WDR72: variants seen among roughly 807,000 people sequenced by gnomAD.
WDR72 encodes the protein WD repeat-containing protein 72.
WDR72 carries 120 observed loss-of-function variants against 124.2 expected under a neutral mutation model. That is an observed-to-expected ratio of 0.97 (90% CI 0.83 to 1.12). The LOEUF is 1.12. Among genes scored for constraint, WDR72 ranks in the 50% most tolerant of loss-of-function variants. The probability of loss-of-function intolerance (pLI) is 0.00; values close to 1 mark genes in which losing one functional copy is unlikely to be tolerated. For synonymous variants in WDR72, 452 were observed against 441.7 expected, an observed-to-expected ratio of 1.02 and a Z score of -0.29; for missense variants, 1,387 against 1,278.8, an observed-to-expected ratio of 1.08 and a Z score of -1.29.
chr15:53,660,428 T>C (rs1485825895), intron 14 of WDR72, among the ~76,000 whole-genome samples: 1 of 152,160 alleles, frequency 6.6e-6, no homozygotes, highest in Non-Finnish European at 1.5e-5. Context: ...TAACTTTCAT[T>C]CTCATAAGGT....
intron 1 of WDR72, among the ~76,000 whole-genome samples, chr15:53,735,895 T>C (rs1290893735): frequency 1.3e-5 from 2 of 151,832 alleles, no homozygotes; most frequent in Non-Finnish European, 2.9e-5. Flanking sequence ...AAGGTAGACT[T>C]TTAAAAGAAA....
intron 1 of WDR72, among the ~76,000 whole-genome samples, chr15:53,738,408 GA>G (rs1323192584): frequency 6.6e-6 from 1 of 152,006 alleles, no homozygotes; most frequent in African/African-American, 2.4e-5. Context: ...GAAATAACAT[GA>G]GGAAATCTAT....
At chr15:53,686,671 G>A (rs2016639835) in intron 13 of WDR72, among the ~76,000 whole-genome samples, 1 of 149,614 alleles carries the variant, frequency 6.7e-6, no homozygotes, top group African/African-American at 2.5e-5. Context: ...AAGTCAACAA[G>A]GATACCCAGG....
chr15:53,631,130 GGATCACGGGGGCA>G (rs1306423024), intron 14 of WDR72, among the ~76,000 whole-genome samples: 2 of 152,132 alleles, frequency 1.3e-5, no homozygotes, highest in African/African-American at 4.8e-5. Context: ...AGAACTGATT[GGATCACGGGGGCA>G]GTTTCTAATA....
At chr15:53,626,090 G>C (rs1354693383) in intron 14 of WDR72, among the ~76,000 whole-genome samples, 2 of 152,142 alleles carry the variant, frequency 1.3e-5, no homozygotes, top group Non-Finnish European at 2.9e-5. Flanking sequence ...ACTGTTACCG[G>C]GGGTCCTTGC....
At chr15:53,665,220 A>G (rs1045388372) in intron 14 of WDR72, among the ~76,000 whole-genome samples, 2 of 152,040 alleles carry the variant, frequency 1.3e-5, no homozygotes, top group African/African-American at 2.4e-5. Context: ...TTTATTTTCA[A>G]TCAGCATTTT....
chr15:53,665,454 G>A lies in WDR72; in HGVS notation c.1962+118C>T, dbSNP rs534405007. 8.2e-6 allele frequency: 9 copies of A among 1,092,316 alleles called. No individual in the cohort carries two copies. The South Asian group carries it at 1.1e-4, about 13-fold the overall frequency. The allele number at this position is 1,092,316 out of a possible 1,614,324, so 67.7% of individuals were successfully genotyped here. ...CACCCAAGATTACTTGGTAGATGCA[G>A]CAGTCTCTTAGTTCTTGTTTTCATG... On this transcript the variant is annotated intron_variant, in intron 14 of 19. Coordinates refer to ENST00000360509, the MANE Select transcript of WDR72 (RefSeq NM_182758.4).
chr15:53,665,902 T>A (rs551164396), intron 13 of WDR72, 134 bp from the exon 14 acceptor site: 91 of 841,222 alleles, frequency 1.1e-4, no homozygotes, highest in Admixed American at 4.4e-4. Flanking sequence ...AACTGAAAAA[T>A]AGCCTGGGAG....
chr15:53,701,307 A>G (rs2017166221), intron 12 of WDR72, among the ~76,000 whole-genome samples: 1 of 152,138 alleles, frequency 6.6e-6, no homozygotes, highest in Non-Finnish European at 1.5e-5. Flanking sequence ...TTTGGGAGGC[A>G]GAGGTGGGAA....
chr15:53,740,947 TTAC>T (rs1446718055), intron 1 of WDR72, among the ~76,000 whole-genome samples: 1 of 152,172 alleles, frequency 6.6e-6, no homozygotes, highest in Non-Finnish European at 1.5e-5. Flanking sequence ...TACTAATAAC[TTAC>T]TACTATTATT....
rs2017515244 is a variant in WDR72, at chr15:53,710,908, T to C, written c.903A>G (p.Lys301=). ...ACAGTAAATGAGGATAAATGGTCTC[T>C]TTAAGCACTCTTCCATCAGCAGGGT... is the stretch of plus-strand genomic sequence containing the variant. The part of the protein sequence containing the change: ...SIYPADGRVL[K]ETIYPHLLCS... Residue 301 remains lysine, a synonymous_variant, in exon 9 of 20, where the codon AAA becomes AAG. Transcript: ENST00000360509. 6.2e-7 allele frequency: 1 copy of C among 1,613,920 alleles called. No homozygotes were observed. Among genetic ancestry groups the C allele is most frequent in the Non-Finnish European group, 8.5e-7 (1 of 1,179,890 alleles).
intron 14 of WDR72, among the ~76,000 whole-genome samples, chr15:53,650,916 T>TTTA (rs1555418926): frequency 7.0e-6 from 1 of 142,454 alleles, no homozygotes; most frequent in South Asian, 2.2e-4. Flanking sequence ...TTTTTTTTTT[T>TTTA]ACATAGCAAA....
At chr15:53,571,581 T>C (rs1305780842) in intron 18 of WDR72, among the ~76,000 whole-genome samples, 1 of 152,070 alleles carries the variant, frequency 6.6e-6, no homozygotes, top group Non-Finnish European at 1.5e-5. Context: ...CAGTATTTGA[T>C]TATATATGTC....
chr15:53,689,865 A>C (rs1156462359), intron 13 of WDR72, among the ~76,000 whole-genome samples: 1 of 151,862 alleles, frequency 6.6e-6, no homozygotes, highest in South Asian at 2.1e-4. Context: ...GCACGTATAC[A>C]CCATGGAATA....
At chr15:53,547,353 A>T (rs1893523033) in intron 18 of WDR72, among the ~76,000 whole-genome samples, 1 of 152,138 alleles carries the variant, frequency 6.6e-6, no homozygotes, top group Non-Finnish European at 1.5e-5. Context: ...GCTGGTCTCG[A>T]ACTCCCAACC....
intron 18 of WDR72, among the ~76,000 whole-genome samples, chr15:53,529,991 TCCCAC>T (rs1434479194): frequency 6.6e-6 from 1 of 151,844 alleles, no homozygotes; most frequent in East Asian, 2.0e-4. Context: ...TTCTAAGAGT[TCCCAC>T]TGGGAGGTTT....
At chr15:53,590,792 T>C (rs1378728231) in intron 18 of WDR72, among the ~76,000 whole-genome samples, 1 of 152,116 alleles carries the variant, frequency 6.6e-6, no homozygotes, top group Non-Finnish European at 1.5e-5. Flanking sequence ...TCCTATAGCA[T>C]TGCTGTGTGG....
At chr15:53,627,207 A>AT (rs1262180495) in intron 14 of WDR72, among the ~76,000 whole-genome samples, 1 of 152,178 alleles carries the variant, frequency 6.6e-6, no homozygotes, top group African/African-American at 2.4e-5. Flanking sequence ...ATGAAATAAT[A>AT]TTTTTTATTT....
chr15:53,698,325 A>G (rs73412108), intron 13 of WDR72, among the ~76,000 whole-genome samples: 6,777 of 152,262 alleles, frequency 0.045, 533 homozygotes, highest in African/African-American at 0.16. Context: ...ATGTTTAGTT[A>G]CCAAGTGTTC....
Sources: allele counts gnomAD v4.1 joint callset (sites outside exome capture counted in the v4.1 genomes callset), GRCh38; gene constraint gnomAD v4.1.1; transcripts MANE v1.5; gene names NCBI Gene and HGNC (gene_info 2026-07-23, HGNC 2026-07-21).